CCZ1: variants seen among roughly 807,000 people sequenced by gnomAD.
CCZ1 encodes the protein CCZ1 vacuolar protein trafficking and biogenesis associated.
In CCZ1, 19 loss-of-function variants were observed where a neutral mutation model predicts 57.8. The ratio of observed to expected loss-of-function variants is 0.33; its 90% confidence interval spans 0.23 to 0.48. CCZ1 has a LOEUF of 0.48. Ranked by LOEUF, CCZ1 falls within the 20% of genes least tolerant of loss-of-function variation. The pLI, the probability that CCZ1 is intolerant of heterozygous loss-of-function variation, is 0.99. For synonymous variants in CCZ1, 81 were observed against 167.0 expected (o/e 0.49, Z 3.97); for missense variants, 200 against 492.0 (o/e 0.41, Z 5.61).
At chr7:5,905,659 G>A (rs1644958439) in intron 7 of CCZ1, among the ~76,000 whole-genome samples, 1 of 143,258 alleles carries the variant, frequency 7.0e-6, no homozygotes, top group South Asian at 2.4e-4. Flanking sequence ...GTGCATGCCT[G>A]TAATCCCAGC....
rs200899553 is a variant in CCZ1 at position 5,920,470 on chromosome 7, C to CTTTTTTTTTTTTTT, written c.1106+508_1106+521dup. 6.7e-4 allele frequency among the ~76,000 whole-genome samples: 64 copies of CTTTTTTTTTTTTTT among 95,968 alleles called. 2 individuals carry two copies. The highest frequency in any genetic ancestry group is 1.9e-3 in the East Asian group (7 of 3,744). 63.0% of individuals were successfully genotyped at this position (95,968 alleles called of 152,430 possible). ...ATGTCCTTGAATTCTTTCTCCCTGG[C>CTTTTTTTTTTTTTT]TTTTTTTTTTTTTTTTTGAGACAAA... On this transcript the variant is annotated intron_variant, in intron 12 of 14. Coordinates refer to ENST00000325974, the MANE Select transcript of CCZ1 (RefSeq NM_015622.6).
At chr7:5,910,150 T>C (rs1562541663) in intron 8 of CCZ1, 34 bp downstream of exon 8, 1 of 1,562,888 alleles carries the variant, frequency 6.4e-7, no homozygotes, top group Non-Finnish European at 8.8e-7. Context: ...CACAATTACA[T>C]GCAGGGGCAC....
chr7:5,920,548 T>G lies in CCZ1; in HGVS notation c.1106+582T>G, dbSNP rs1211511441. ...GTGCAGTGGCTTGATCTTGGCTCAC[T>G]GCAGCCTCCGCCTCCCAGGCTCAAG... On this transcript the variant is annotated intron_variant, in intron 12 of 14. Coordinates refer to ENST00000325974, the MANE Select transcript of CCZ1 (RefSeq NM_015622.6). Among the ~76,000 whole-genome samples the G allele has an allele frequency of 1.1e-3, 139 of 121,774 alleles. 1 individual carries two copies. Among genetic ancestry groups the G allele is most frequent in the African/African-American group, 4.1e-3 (135 of 32,908 alleles). The allele number at this position is 121,774 out of a possible 152,430, so 79.9% of individuals were successfully genotyped here. A position where few individuals can be genotyped will look rare whatever the true frequency, so the allele number is the denominator to read the frequency against.
At chr7:5,902,535 C>G (rs578214978) in intron 5 of CCZ1, 126 bp from the exon 6 acceptor site, 1 of 1,364,100 alleles carries the variant, frequency 7.3e-7, no homozygotes, top group African/African-American at 1.5e-5. Context: ...TAAATATTCT[C>G]TGTTGGAAAG....
chr7:5,909,991 A>G (rs1212438041), intron 7 of CCZ1, 44 bp from the exon 8 acceptor site: 9 of 1,566,988 alleles, frequency 5.7e-6, no homozygotes, highest in African/African-American at 2.8e-5. Flanking sequence ...GAAAGACAGA[A>G]GACAGTTCCA....
chr7:5,900,785 T>G, intron 3 of CCZ1, 70 bp from the exon 4 acceptor site: 2 of 1,572,014 alleles, frequency 1.3e-6, no homozygotes, highest in South Asian at 2.4e-5. Flanking sequence ...GTTCAAAGTT[T>G]TTAAATTAAG....
In CCZ1 at chr7:5,901,202, T is replaced by C. The variant is rs1009549792; in HGVS notation, c.390+270T>C. The C allele has an allele frequency of 2.0e-5, 6 of 295,604 alleles. 1 individual carries two copies. The highest frequency in any genetic ancestry group is 6.1e-5 in the African/African-American group (2 of 32,980). The allele number at this position is 295,604 out of a possible 1,614,324, so 18.3% of individuals were successfully genotyped here. On this transcript the variant is annotated intron_variant, in intron 4 of 14. Coordinates refer to ENST00000325974, the MANE Select transcript of CCZ1 (RefSeq NM_015622.6). ...TCACAAATTAGAGTTTAAACACTTC[T>C]GGCTGGGAACAGTGGCTCACACCTG...
intron 7 of CCZ1, among the ~76,000 whole-genome samples, chr7:5,906,962 G>A (rs897435050): frequency 1.3e-5 from 2 of 149,346 alleles, no homozygotes; most frequent in African/African-American, 2.5e-5. Flanking sequence ...CTGCCTCCTG[G>A]GTTCAAGCAA....
chr7:5,899,149 C>T (rs1441123813), intron 1 of CCZ1, among the ~76,000 whole-genome samples: 2 of 86,958 alleles, frequency 2.3e-5, no homozygotes, highest in African/African-American at 9.0e-5. Context: ...CAGGTTGAGG[C>T]TCTTTGCGCT....
At chr7:5,910,226 T>G in intron 8 of CCZ1, 110 bp downstream of exon 8, 4 of 985,844 alleles carry the variant, frequency 4.1e-6, no homozygotes, top group Non-Finnish European at 1.6e-6. Flanking sequence ...GATGTATGTT[T>G]TGTCTTACTG....
At chr7:5,906,098 A>G (rs1781810155) in intron 7 of CCZ1, among the ~76,000 whole-genome samples, 1 of 146,588 alleles carries the variant, frequency 6.8e-6, no homozygotes, top group South Asian at 2.3e-4. Flanking sequence ...AAAGTGTTAT[A>G]TAAACCAGGA....
At chr7:5,904,567 T>C (rs1583182406) in intron 6 of CCZ1, among the ~76,000 whole-genome samples, 1 of 144,746 alleles carries the variant, frequency 6.9e-6, no homozygotes, top group Non-Finnish European at 1.5e-5. Context: ...GCGTGGTGGC[T>C]CACACCTCTA....
At position 5,909,709 on chromosome 7, in the gene CCZ1, GA is replaced by G. The variant is rs983272409; in HGVS notation, c.699-317del. Among the ~76,000 whole-genome samples, 386 of 129,598 alleles carry G rather than the reference GA, an allele frequency of 3.0e-3. 11 individuals are homozygous for G. The highest frequency in any genetic ancestry group is 3.5e-3 in the Non-Finnish European group (219 of 61,740). 85.0% of individuals were successfully genotyped at this position (129,598 alleles called of 152,430 possible). The stretch of plus-strand genomic sequence containing the variant: ...CAAGACCTTGTCTCAAAAAAAAAAA[GA>G]AAAAAAAATTTTTTTTAATAAAAAA... On this transcript the variant is annotated intron_variant, in intron 7 of 14. Coordinates refer to ENST00000325974, the MANE Select transcript of CCZ1 (RefSeq NM_015622.6).
rs1779131184 is a variant in CCZ1 at position 5,915,511 on chromosome 7, G to A, written c.954+2557G>A. On this transcript the variant is annotated intron_variant, in intron 10 of 14. Coordinates refer to ENST00000325974, the MANE Select transcript of CCZ1 (RefSeq NM_015622.6). ...GGTGTGATGATGGGATTGTGGCTAT[G>A]TTAAAGGGTCCTTACCTTTTTCTTA... Among the ~76,000 whole-genome samples the A allele has an allele frequency of 2.1e-5, 3 of 143,990 alleles. 1 individual carries two copies. In the South Asian group the frequency reaches 6.8e-4, roughly 33 times the overall value. The allele number at this position is 143,990 out of a possible 152,430, so 94.5% of individuals were successfully genotyped here. A position where few individuals can be genotyped will look rare whatever the true frequency, so the allele number is the denominator to read the frequency against.
intron 7 of CCZ1, among the ~76,000 whole-genome samples, chr7:5,908,481 C>T (rs1417217251): frequency 1.4e-5 from 2 of 148,096 alleles, no homozygotes; most frequent in African/African-American, 2.5e-5. Flanking sequence ...CAGGTTCAAG[C>T]GATTCTCATG....
intron 9 of CCZ1, 132 bp from the exon 10 acceptor site, chr7:5,912,711 A>G: frequency 1.9e-6 from 2 of 1,052,280 alleles, no homozygotes; most frequent in Non-Finnish European, 2.9e-6. Flanking sequence ...GCATATTCTG[A>G]TATGGTGTTT....
Position 5,900,277 on chromosome 7 carries a change from G to C in CCZ1, c.121-7G>C. 6.8e-7 allele frequency: 1 copy of C among 1,473,222 alleles called. No homozygotes were observed. Among genetic ancestry groups the C allele is most frequent in the Admixed American group, 2.4e-5 (1 of 42,432 alleles). The allele number at this position is 1,473,222 out of a possible 1,614,324, so 91.3% of individuals were successfully genotyped here. A position where few individuals can be genotyped will look rare whatever the true frequency, so the allele number is the denominator to read the frequency against. Reference sequence around the variant, plus strand: ...TCATGTTGTGCTTCTGTTTCCTCATGTTTCAGGAGGAAAATAAGATTTTAT... The same window carrying C: ...TCATGTTGTGCTTCTGTTTCCTCATCTTTCAGGAGGAAAATAAGATTTTAT... On this transcript the variant is annotated splice_region_variant and splice_polypyrimidine_tract_variant and intron_variant, in intron 1 of 14. Transcript: ENST00000325974.
intron 10 of CCZ1, among the ~76,000 whole-genome samples, chr7:5,915,376 C>G (rs1245268189): frequency 7.1e-6 from 1 of 140,668 alleles, no homozygotes; most frequent in African/African-American, 2.5e-5. Flanking sequence ...AGAAAAAAAT[C>G]ATCCTCCTTT....
rs1374196262 is a variant in CCZ1, at chr7:5,906,231, A to G, written c.698+962A>G. The stretch of plus-strand genomic sequence containing the variant: ...AACCGAGGTTGTGCACATTTGGCCT[A>G]GAGTAGGTGGACAGAAGTCATCAAG... On this transcript the variant is annotated intron_variant, in intron 7 of 14. Coordinates refer to ENST00000325974, the MANE Select transcript of CCZ1 (RefSeq NM_015622.6). 3.4e-5 allele frequency among the ~76,000 whole-genome samples: 5 copies of G among 147,744 alleles called. 1 individual carries two copies. The highest frequency in any genetic ancestry group is 1.3e-4 in the African/African-American group (5 of 39,836).
Sources: gnomAD v4.1 joint callset for allele counts (sites outside exome capture counted in the v4.1 genomes callset) on GRCh38, gnomAD v4.1.1 for gene constraint, MANE v1.5 for transcripts, NCBI Gene and HGNC (gene_info 2026-07-23, HGNC 2026-07-21) for gene names.